The following FAAH variants were observed in gnomAD, a reference collection of about 807,000 sequenced individuals.
The protein encoded by FAAH is fatty acid amide hydrolase.
FAAH carries 63 observed loss-of-function variants against 69.7 expected under a neutral mutation model. The ratio of observed to expected loss-of-function variants is 0.90; its 90% confidence interval spans 0.74 to 1.12. The LOEUF is 1.12. FAAH is among the 50% of genes most tolerant of loss of function. FAAH has a pLI of 0.00. For synonymous variants in FAAH, 305 were observed against 324.2 expected, an observed-to-expected ratio of 0.94 and a Z score of 0.64; for missense variants, 680 against 755.0, an observed-to-expected ratio of 0.90 and a Z score of 1.16.
Position 46,412,316 on chromosome 1 carries a change from G to A in FAAH, c.1465+65G>A. 4 of 1,364,530 alleles carry A rather than the reference G, an allele frequency of 2.9e-6. No individual in the cohort carries two copies. In the South Asian group the frequency reaches 5.0e-5, roughly 17 times the overall value. 84.5% of individuals were successfully genotyped at this position (1,364,530 alleles called of 1,614,324 possible). ...GCCATGTGCCCTGCAGGGCTGCGAG[G>A]AAATGGAAGAAGAGCCCTCTGGGAG... On this transcript the variant is annotated intron_variant, in intron 13 of 14. Coordinates refer to ENST00000243167, the MANE Select transcript of FAAH (RefSeq NM_001441.3).
rs1400132265 is a variant in FAAH at position 46,406,061 on chromosome 1, T to C, written c.809T>C (p.Val270Ala). 7 of 1,614,180 alleles carry C rather than the reference T, an allele frequency of 4.3e-6. No individual in the cohort carries two copies. The East Asian group carries it at 1.3e-4, about 31-fold the overall frequency. ...AGCAAGAGTGGCCTGAAGGGCTGTG[T>C]CTATGGACAGGAGGCAGGTGAGGTC... ...RLSKSGLKGCVYGQEAVRLSV... is the reference protein window; with the variant it reads ...RLSKSGLKGCAYGQEAVRLSV... Residue 270 changes from valine to alanine, a missense_variant, in exon 6 of 15, where the codon GTC becomes GCC. Transcript: ENST00000243167.
chr1:46,413,340 A>ATGGCC, intron 14 of FAAH, 107 bp from the exon 15 acceptor site: 5 of 1,609,590 alleles, frequency 3.1e-6, no homozygotes, highest in Non-Finnish European at 4.2e-6. Flanking sequence ...CTGAAGGACT[A>ATGGCC]TGGCCTGGCC....
At chr1:46,412,344 C>A in intron 13 of FAAH, 93 bp downstream of exon 13, 1 of 1,111,766 alleles carries the variant, frequency 9.0e-7, no homozygotes, top group South Asian at 1.3e-5. Flanking sequence ...TCTGGGAGGA[C>A]CCTGCCCTCT....
chr1:46,406,469 C>G (rs994594453), intron 7 of FAAH, 101 bp downstream of exon 7: 1 of 1,541,836 alleles, frequency 6.5e-7, no homozygotes. Flanking sequence ...TGAGAACCGT[C>G]CCCCAGGCCT....
intron 2 of FAAH, among the ~76,000 whole-genome samples, chr1:46,403,795 A>G (rs1557758424): frequency 6.6e-6 from 1 of 152,114 alleles, no homozygotes; most frequent in African/African-American, 2.4e-5. Flanking sequence ...TTCTCATCAC[A>G]GTGTCAGGCT....
At position 46,411,765 on chromosome 1, in the gene FAAH, C is replaced by T. The variant is rs901490088; in HGVS notation, c.1356+114C>T. ...GCCCCCATGGGGCTCCTAGACTGGC[C>T]TGTCATCCCCCTTCCACTCCCTGGA... On this transcript the variant is annotated intron_variant, in intron 12 of 14. Coordinates refer to ENST00000243167, the MANE Select transcript of FAAH (RefSeq NM_001441.3). This position sits in a 1 kb window ranked among gnomAD's most constrained non-coding sequence, Gnocchi z 4.8. The T allele has an allele frequency of 1.9e-5, 22 of 1,180,294 alleles. No individual in the cohort carries two copies. Among genetic ancestry groups the T allele is most frequent in the Non-Finnish European group, 2.6e-5 (21 of 812,284 alleles). 73.1% of individuals were successfully genotyped at this position (1,180,294 alleles called of 1,614,324 possible).
chr1:46,394,444 CGGGCGCCGGACGGCGCG>C lies in FAAH; in HGVS notation c.103_119del (p.Arg35GlyfsTer49). 3 of 1,389,460 alleles carry C rather than the reference CGGGCGCCGGACGGCGCG, an allele frequency of 2.2e-6. No individual in the cohort carries two copies. Among genetic ancestry groups the C allele is most frequent in the Non-Finnish European group, 2.8e-6 (3 of 1,079,314 alleles). 86.1% of individuals were successfully genotyped at this position (1,389,460 alleles called of 1,614,324 possible). On this transcript the variant is annotated frameshift_variant, in exon 1 of 15. Coordinates refer to ENST00000243167, the MANE Select transcript of FAAH (RefSeq NM_001441.3). LOFTEE classifies it high-confidence loss of function. ...CGGCGGCCGTGGCCCTGCGCTGGTC[CGGGCGCCGGACGGCGCG>C]GGGCGCGGTGGTCCGGGCGCGACAG...
intron 1 of FAAH, among the ~76,000 whole-genome samples, chr1:46,399,330 C>A (rs1664656064): frequency 6.6e-6 from 1 of 152,208 alleles, no homozygotes; most frequent in African/African-American, 2.4e-5. Context: ...CCTGCATTCT[C>A]CGCAAAATCA....
chr1:46,394,680 T>C (rs999821453), intron 1 of FAAH, 137 bp downstream of exon 1: 4 of 772,442 alleles, frequency 5.2e-6, no homozygotes, highest in African/African-American at 1.8e-5. Context: ...CTCCTTGCCC[T>C]AAGATATTCC....
intron 14 of FAAH, 41 bp downstream of exon 14, chr1:46,413,261 C>G: frequency 6.2e-7 from 1 of 1,613,742 alleles, no homozygotes; most frequent in Non-Finnish European, 8.5e-7. Context: ...CACTCCCCAC[C>G]CTGACTCTGG....
At position 46,410,729 on chromosome 1, in the gene FAAH, G is replaced by A. The variant is rs1418159453; in HGVS notation, c.1276-85G>A. 6 of 1,556,076 alleles carry A rather than the reference G, an allele frequency of 3.9e-6. No homozygotes were observed. The highest frequency in any genetic ancestry group is 1.1e-5 in the South Asian group (1 of 89,940). On this transcript the variant is annotated intron_variant, in intron 10 of 14. Coordinates refer to ENST00000243167, the MANE Select transcript of FAAH (RefSeq NM_001441.3). The surrounding 1 kb of genome is among the most constrained non-coding windows in gnomAD (Gnocchi z 4.9). The stretch of plus-strand genomic sequence containing the variant: ...GCCCTGGGGGGAGGCATGGAGGGAG[G>A]GGTCCCCAGTGGCTTGGCCTGAAGA...
At position 46,394,502 on chromosome 1, in the gene FAAH, C is replaced by T. The variant is rs1010046940; in HGVS notation, c.154C>T (p.Leu52=). The T allele has an allele frequency of 8.6e-6, 12 of 1,396,438 alleles. No homozygotes were observed. In the East Asian group the frequency reaches 2.7e-4, roughly 32 times the overall value. 86.5% of individuals were successfully genotyped at this position (1,396,438 alleles called of 1,614,324 possible). The stretch of plus-strand genomic sequence containing the variant: ...GGCGCGACAGAGGCAGCGAGCGGGC[C>T]TGGAGAACATGGACAGGGCGGCGCA... ...VRARQRQRAG[L]ENMDRAAQRF... The change falls in exon 1 of 15, where the codon CTG becomes TTG. Residue 52 remains leucine, a synonymous_variant. Coordinates refer to ENST00000243167, the MANE Select transcript of FAAH (RefSeq NM_001441.3).
Position 46,413,531 on chromosome 1 carries a change from C to T in FAAH, c.1696C>T (p.Arg566Trp), listed in dbSNP as rs200476310. 2.4e-5 allele frequency: 38 copies of T among 1,613,948 alleles called. No individual in the cohort carries two copies. The highest frequency in any genetic ancestry group is 2.9e-5 in the Non-Finnish European group (34 of 1,180,002). Reference sequence around the variant, plus strand: ...AGAAGAGTTGTGTCTGCGGTTCATGCGGGAGGTGGAGCGACTGATGACCCC... The same window carrying T: ...AGAAGAGTTGTGTCTGCGGTTCATGTGGGAGGTGGAGCGACTGATGACCCC... ...WQEELCLRFM[R>W]EVERLMTPEK... Residue 566 changes from arginine to tryptophan, a missense_variant, in exon 15 of 15, where the codon CGG (arginine) becomes TGG (tryptophan). Physicochemically the swap from Arg to Trp is moderately radical, Grantham distance 101. Coordinates refer to ENST00000243167, the MANE Select transcript of FAAH (RefSeq NM_001441.3).
At position 46,405,756 on chromosome 1, in the gene FAAH, C is replaced by T. The variant is rs1388378890; in HGVS notation, c.747C>T (p.Cys249=). The change falls in exon 5 of 15, where the codon TGC becomes TGT. Residue 249 remains cysteine, a synonymous_variant. Coordinates refer to ENST00000243167, the MANE Select transcript of FAAH (RefSeq NM_001441.3). This position sits in a 1 kb window ranked among gnomAD's most constrained non-coding sequence, Gnocchi z 4.1. The stretch of plus-strand genomic sequence containing the variant: ...GCATCCGCTTCCCCTCCTCCTTCTG[C>T]GGCATCTGCGGCCTCAAGCCCACAG... ...GGSIRFPSSF[C]GICGLKPTGN... is the part of the protein sequence containing the mutation. 10 of 1,613,326 alleles carry T rather than the reference C, an allele frequency of 6.2e-6. No homozygotes were observed. The highest frequency in any genetic ancestry group is 1.7e-5 in the Admixed American group (1 of 60,004).
intron 1 of FAAH, among the ~76,000 whole-genome samples, chr1:46,395,855 C>T (rs1236181516): frequency 1.3e-5 from 2 of 152,178 alleles, no homozygotes; most frequent in African/African-American, 4.8e-5. Context: ...AGGGTGTAGC[C>T]CTGCATGTTG....
At chr1:46,402,354 C>A in intron 2 of FAAH, 150 bp downstream of exon 2, 2 of 711,496 alleles carry the variant, frequency 2.8e-6, no homozygotes, top group South Asian at 1.6e-5. Flanking sequence ...ACCTACAGTG[C>A]CAGGGACTGC....
At position 46,394,542 on chromosome 1, in the gene FAAH, A is replaced by T; in HGVS notation, c.194A>T (p.Gln65Leu). ...MDRAAQRFRLQNPDLDSEALL... is the reference protein window; with the variant it reads ...MDRAAQRFRLLNPDLDSEALL... ...AGGGCGGCGCAGCGCTTCCGGCTCCAGGTGACTGCCGGAGCGTAGTGGGAT... is the reference window on the plus strand; with the variant it reads ...AGGGCGGCGCAGCGCTTCCGGCTCCTGGTGACTGCCGGAGCGTAGTGGGAT... Residue 65 changes from glutamine to leucine, a missense_variant and splice_region_variant, in exon 1 of 15, where the codon CAG becomes CTG. Transcript: ENST00000243167. The T allele has an allele frequency of 7.4e-7, 1 of 1,355,916 alleles. No individual in the cohort carries two copies. The allele number at this position is 1,355,916 out of a possible 1,614,324, so 84.0% of individuals were successfully genotyped here. A position where few individuals can be genotyped will look rare whatever the true frequency, so the allele number is the denominator to read the frequency against.
chr1:46,404,562 G>A lies in FAAH; in HGVS notation c.310-452G>A, dbSNP rs539343483. On this transcript the variant is annotated intron_variant, in intron 2 of 14. Coordinates refer to ENST00000243167, the MANE Select transcript of FAAH (RefSeq NM_001441.3). The surrounding 1 kb of genome is among the most constrained non-coding windows in gnomAD (Gnocchi z 4.5). ...GGTTGAGGAGAGACTGCTGGGCTCC[G>A]GGAGGCAGGAGTCTGGTCTAGTCCT... 9.8e-5 allele frequency among the ~76,000 whole-genome samples: 15 copies of A among 152,342 alleles called. No individual in the cohort carries two copies. The South Asian group carries it at 2.7e-3, about 27-fold the overall frequency.
rs201944134 is a variant in FAAH at position 46,403,720 on chromosome 1, G to A, written c.310-1294G>A. ...TTCGGGGCTCAGAGCAGGAGGCACC[G>A]TCTTCCATTCGCCACCTGAGGTAGG... On this transcript the variant is annotated intron_variant, in intron 2 of 14. Transcript: ENST00000243167. 7.2e-5 allele frequency among the ~76,000 whole-genome samples: 11 copies of A among 152,358 alleles called. No individual in the cohort carries two copies. The East Asian group carries it at 9.6e-4, about 13-fold the overall frequency.
Sources: gnomAD v4.1 joint callset for allele counts (sites outside exome capture counted in the v4.1 genomes callset) on GRCh38, gnomAD v4.1.1 for gene constraint, Gnocchi (gnomAD v3.1) non-coding constraint, MANE v1.5 for transcripts, NCBI Gene and HGNC (gene_info 2026-07-23, HGNC 2026-07-21) for gene names.